The following GRM8 variants were observed in gnomAD, a reference collection of about 807,000 sequenced individuals.
GRM8 encodes the protein metabotropic glutamate receptor 8.
In GRM8, 47 loss-of-function variants were observed where a neutral mutation model predicts 87.2. The ratio of observed to expected loss-of-function variants is 0.54; its 90% CI spans 0.43 to 0.69. The LOEUF is 0.69. GRM8 is among the 30% of genes least tolerant of loss of function. GRM8 has a pLI of 0.00. For missense variants in GRM8, 1,019 were observed against 1,139.2 expected (o/e 0.89, Z 1.52); for synonymous variants, 396 against 404.5 (o/e 0.98, Z 0.25).
At chr7:127,103,937 A>G (rs559078782) in intron 3 of GRM8, among the ~76,000 whole-genome samples, 23 of 152,244 alleles carry the variant, frequency 1.5e-4, no homozygotes, top group Non-Finnish European at 1.9e-4. Flanking sequence ...TACACTCATA[A>G]ACTTCATTCT....
Position 126,769,830 on chromosome 7 carries a change from T to C in GRM8, c.1357+35A>G, listed in dbSNP as rs746347769. 27 of 1,394,394 alleles carry C rather than the reference T, an allele frequency of 1.9e-5. 1 individual carries two copies. The South Asian group carries it at 3.1e-4, about 16-fold the overall frequency. 86.4% of individuals were successfully genotyped at this position (1,394,394 alleles called of 1,614,324 possible). ...GGAGGAAAAACACACCCTGTCGCTTTTAATGTATTTAGACACACACACGTT... is the reference window on the plus strand; with the variant it reads ...GGAGGAAAAACACACCCTGTCGCTTCTAATGTATTTAGACACACACACGTT... On this transcript the variant is annotated intron_variant, in intron 7 of 10. Transcript: ENST00000339582.
intron 3 of GRM8, among the ~76,000 whole-genome samples, chr7:126,979,711 C>A (rs937247817): frequency 6.6e-6 from 1 of 152,230 alleles, no homozygotes; most frequent in African/African-American, 2.4e-5. Context: ...CCAAACACCT[C>A]TCTGCTCTCT....
intron 7 of GRM8, among the ~76,000 whole-genome samples, chr7:126,740,411 C>T (rs1814817262): frequency 6.6e-6 from 1 of 152,038 alleles, no homozygotes; most frequent in Non-Finnish European, 1.5e-5. Flanking sequence ...AAAATAAGAA[C>T]CTTTTCAGGA....
chr7:127,107,488 G>GT (rs1482250618), intron 2 of GRM8, among the ~76,000 whole-genome samples: 1 of 152,196 alleles, frequency 6.6e-6, no homozygotes, highest in Non-Finnish European at 1.5e-5. Flanking sequence ...ATGTGATTGT[G>GT]TATAGTAACT....
chr7:126,742,165 C>T (rs1213942466), intron 7 of GRM8, among the ~76,000 whole-genome samples: 1 of 151,986 alleles, frequency 6.6e-6, no homozygotes, highest in Non-Finnish European at 1.5e-5. Context: ...TCCATTAGAT[C>T]CATACAGTTT....
At chr7:126,756,736 G>A (rs980367084) in intron 7 of GRM8, among the ~76,000 whole-genome samples, 1 of 152,028 alleles carries the variant, frequency 6.6e-6, no homozygotes, top group African/African-American at 2.4e-5. Context: ...AAAGATCAAT[G>A]GTTCCCAGAG....
At chr7:126,607,082 TTCTG>T (rs1428724465) in intron 8 of GRM8, among the ~76,000 whole-genome samples, 3 of 152,186 alleles carry the variant, frequency 2.0e-5, no homozygotes, top group African/African-American at 7.2e-5. Flanking sequence ...GTCAAAACAT[TTCTG>T]TCTTATTTCA....
intron 7 of GRM8, among the ~76,000 whole-genome samples, chr7:126,665,009 A>T (rs1301177146): frequency 6.6e-6 from 1 of 152,194 alleles, no homozygotes; most frequent in Non-Finnish European, 1.5e-5. Context: ...AAAAACATGG[A>T]AAAATGCTCA....
At chr7:127,111,332 A>T (rs1299917342) in intron 2 of GRM8, 1 of 152,222 alleles carries the variant, frequency 6.6e-6, no homozygotes, top group African/African-American at 2.4e-5. Context: ...ATTCATTTAC[A>T]TATATTATTA....
intron 7 of GRM8, among the ~76,000 whole-genome samples, chr7:126,677,865 C>CT (rs1247358166): frequency 6.6e-6 from 1 of 152,146 alleles, no homozygotes; most frequent in Non-Finnish European, 1.5e-5. Flanking sequence ...TTAAAACAAA[C>CT]TAACTGTTCA....
intron 2 of GRM8, among the ~76,000 whole-genome samples, chr7:127,223,443 GCACACACACACACACACACA>G (rs61674303): frequency 0.19 from 26,908 of 144,076 alleles, 3,027 homozygotes; most frequent in Middle Eastern, 0.28. Flanking sequence ...ACACACACAC[GCACACACACACACACACACA>G]CACACACACA....
intron 8 of GRM8, among the ~76,000 whole-genome samples, chr7:126,542,669 C>T (rs992923990): frequency 9.2e-5 from 14 of 152,268 alleles, no homozygotes; most frequent in Admixed American, 2.0e-4. Context: ...GACCATATAA[C>T]GAAGGGCTTT....
chr7:127,102,284 A>G (rs1825359458), intron 3 of GRM8, among the ~76,000 whole-genome samples: 1 of 152,244 alleles, frequency 6.6e-6, no homozygotes, highest in African/African-American at 2.4e-5. Flanking sequence ...GAGAAAGAAA[A>G]AGCTTTTTCA....
intron 6 of GRM8, among the ~76,000 whole-genome samples, chr7:126,798,700 A>G (rs1234603033): frequency 6.6e-6 from 1 of 152,154 alleles, no homozygotes; most frequent in Non-Finnish European, 1.5e-5. Context: ...ACGTTTTACT[A>G]AACTAAACTT....
At chr7:126,573,686 G>A (rs1794878252) in intron 8 of GRM8, among the ~76,000 whole-genome samples, 1 of 151,910 alleles carries the variant, frequency 6.6e-6, no homozygotes. Flanking sequence ...CCGGGTTCAA[G>A]TGATTCTCCT....
intron 7 of GRM8, among the ~76,000 whole-genome samples, chr7:126,630,964 G>C (rs1475114410): frequency 6.6e-6 from 1 of 152,018 alleles, no homozygotes; most frequent in Non-Finnish European, 1.5e-5. Context: ...CCCCTTGAAA[G>C]CTGGCACAAG....
At chr7:127,132,723 G>A (rs949687625) in intron 2 of GRM8, among the ~76,000 whole-genome samples, 71 of 152,040 alleles carry the variant, frequency 4.7e-4, no homozygotes, top group Non-Finnish European at 8.5e-4. Flanking sequence ...TGAGGAAGAG[G>A]TTTCCAAGCA....
intron 3 of GRM8, among the ~76,000 whole-genome samples, chr7:126,961,749 G>T (rs190021990): frequency 6.6e-6 from 1 of 152,250 alleles, no homozygotes; most frequent in Non-Finnish European, 1.5e-5. Context: ...CACAAGCCTC[G>T]TGGGAGGAGA....
intron 7 of GRM8, among the ~76,000 whole-genome samples, chr7:126,701,556 C>G (rs983064059): frequency 6.6e-6 from 1 of 152,078 alleles, no homozygotes; most frequent in Non-Finnish European, 1.5e-5. Context: ...AGTAAACTCT[C>G]CCAGTGATTG....
Sources: allele counts gnomAD v4.1 joint callset (sites outside exome capture counted in the v4.1 genomes callset), GRCh38; gene constraint gnomAD v4.1.1; transcripts MANE v1.5; gene names NCBI Gene and HGNC (gene_info 2026-07-23, HGNC 2026-07-21).